Variants in CTNNA1 observed in about 807,000 individuals in gnomAD.
CTNNA1 encodes catenin alpha 1, also known as catenin alpha-1.
In CTNNA1, 37 loss-of-function variants were observed where a neutral mutation model predicts 98.4. The ratio of observed to expected loss-of-function variants is 0.38; its 90% CI spans 0.29 to 0.49. CTNNA1 has a LOEUF of 0.49. Among genes scored for constraint, CTNNA1 ranks in the 20% least tolerant of loss-of-function variants. CTNNA1 has a pLI of 0.95. For missense variants in CTNNA1, 761 were observed against 1,147.2 expected (o/e 0.66, Z 4.86); for synonymous variants, 404 against 413.2 (o/e 0.98, Z 0.27).
chr5:138,836,053 A>G (rs551591675), intron 7 of CTNNA1, among the ~76,000 whole-genome samples: 2 of 152,098 alleles, frequency 1.3e-5, no homozygotes, highest in Non-Finnish European at 2.9e-5. Flanking sequence ...GTTCCGTGCT[A>G]TTGGCCAGGC....
chr5:138,869,540 C>A (rs1018612107), intron 7 of CTNNA1: 1 of 152,210 alleles, frequency 6.6e-6, no homozygotes, highest in Middle Eastern at 3.4e-3. Flanking sequence ...TATTGATATC[C>A]ACACTTCAGA....
At position 138,809,771 on chromosome 5, in the gene CTNNA1, C is replaced by T. The variant is rs3789151; in HGVS notation, c.302-267C>T. 0.68 allele frequency among the ~76,000 whole-genome samples: 103,403 copies of T among 151,532 alleles called. 35,446 individuals are homozygous for T. Among genetic ancestry groups the T allele is most frequent in the East Asian group, 0.93 (4,834 of 5,182 alleles). ...TTTTTTTAAAGGAACATTATTAGAT[C>T]AAAGGGAAATATTTTTAAGCCTCTT... On this transcript the variant is annotated intron_variant, in intron 3 of 17. Transcript: ENST00000302763.
At position 138,892,328 on chromosome 5, in the gene CTNNA1, G is replaced by GTTTTTT. The variant is rs70982738; in HGVS notation, c.1296+4710_1296+4715dup. Among the ~76,000 whole-genome samples, 122 of 79,250 alleles carry GTTTTTT rather than the reference G, an allele frequency of 1.5e-3. 17 individuals are homozygous for GTTTTTT. The highest frequency in any genetic ancestry group is 0.014 in the East Asian group (21 of 1,554). 52.0% of individuals were successfully genotyped at this position (79,250 alleles called of 152,430 possible). A position where few individuals can be genotyped will look rare whatever the true frequency, so the allele number is the denominator to read the frequency against. On this transcript the variant is annotated intron_variant, in intron 9 of 17. Coordinates refer to ENST00000302763, the MANE Select transcript of CTNNA1 (RefSeq NM_001903.5). ...TGGAAAAAGAATATAAAATAGCTTA[G>GTTTTTT]TTTTTTTTTTTTTTTTTTTTTTTTT...
At chr5:138,806,877 G>T (rs1373796064) in intron 3 of CTNNA1, among the ~76,000 whole-genome samples, 4 of 151,998 alleles carry the variant, frequency 2.6e-5, no homozygotes, top group African/African-American at 9.7e-5. Context: ...TAGTTAGGTG[G>T]CAGGGATTTA....
chr5:138,810,093 G>A lies in CTNNA1; in HGVS notation c.357G>A (p.Val119=), dbSNP rs142395231. ...GEFADDPCSS[V]KRGNMVRAAR... ...TCGCAGATGATCCCTGCTCTTCTGT[G>A]AAGCGAGGCAACATGGTTCGGGCAG... Residue 119 remains valine, a synonymous_variant, in exon 4 of 18, where the codon GTG becomes GTA. Coordinates refer to ENST00000302763, the MANE Select transcript of CTNNA1 (RefSeq NM_001903.5). 9.2e-5 allele frequency: 149 copies of A among 1,614,056 alleles called. No individual in the cohort carries two copies. The highest frequency in any genetic ancestry group is 1.2e-4 in the Non-Finnish European group (143 of 1,180,016).
intron 7 of CTNNA1, chr5:138,870,375 T>C (rs1004007723): frequency 6.6e-6 from 1 of 152,262 alleles, no homozygotes; most frequent in African/African-American, 2.4e-5. Flanking sequence ...AAATACCTTT[T>C]TGGTACTACT....
At chr5:138,776,058 T>TA (rs1754114593) in intron 1 of CTNNA1, among the ~76,000 whole-genome samples, 1 of 147,710 alleles carries the variant, frequency 6.8e-6, no homozygotes, top group Non-Finnish European at 1.5e-5. Context: ...TTTTTTTTTT[T>TA]TTTTTATTGA....
chr5:138,842,967 T>C (rs1762395478), intron 7 of CTNNA1, among the ~76,000 whole-genome samples: 1 of 152,234 alleles, frequency 6.6e-6, no homozygotes, highest in Non-Finnish European at 1.5e-5. Context: ...AACCATTTTC[T>C]TAAAACCACT....
chr5:138,877,604 C>T (rs886957125), intron 7 of CTNNA1, among the ~76,000 whole-genome samples: 78 of 151,434 alleles, frequency 5.2e-4, no homozygotes, highest in Non-Finnish European at 7.7e-4. Flanking sequence ...CCCGCCACCA[C>T]GCCCGGCTAA....
chr5:138,830,353 T>G (rs1431150393), intron 7 of CTNNA1, among the ~76,000 whole-genome samples: 1 of 152,132 alleles, frequency 6.6e-6, no homozygotes, highest in Non-Finnish European at 1.5e-5. Flanking sequence ...CAGAGCGAGA[T>G]TCTGTCTCAA....
chr5:138,887,767 T>G, intron 9 of CTNNA1, 125 bp downstream of exon 9: 1 of 746,832 alleles, frequency 1.3e-6, no homozygotes, highest in Non-Finnish European at 2.2e-6. Flanking sequence ...TCTGAGATGA[T>G]AGTCTTTCAT....
At chr5:138,867,575 T>C (rs75830523) in intron 7 of CTNNA1, among the ~76,000 whole-genome samples, 3,475 of 152,230 alleles carry the variant, frequency 0.023, 133 homozygotes, top group African/African-American at 0.08. Context: ...GTGATACTTA[T>C]ATGTGGATTT....
intron 5 of CTNNA1, among the ~76,000 whole-genome samples, chr5:138,813,483 A>C (rs1034707537): frequency 1.3e-5 from 2 of 152,208 alleles, no homozygotes; most frequent in Non-Finnish European, 2.9e-5. Flanking sequence ...TTTCCTGAGG[A>C]CAGAAACACC....
Position 138,782,023 on chromosome 5 carries a change from T to C in CTNNA1, c.99T>C (p.Val33=). ...LAVERLLEPL[V]TQVTTLVNTN... ...TTGAGAGACTGTTGGAGCCTCTTGT[T>C]ACACAGGTAAGAATCTGAAAACACA... The change falls in exon 2 of 18, where the codon GTT becomes GTC. Residue 33 remains valine, a synonymous_variant. Transcript: ENST00000302763. 1 of 1,608,538 alleles carries C rather than the reference T, an allele frequency of 6.2e-7. No individual in the cohort carries two copies. The highest frequency in any genetic ancestry group is 8.5e-7 in the Non-Finnish European group (1 of 1,178,820).
chr5:138,913,203 CCCTT>C (rs1761028963), intron 10 of CTNNA1, among the ~76,000 whole-genome samples: 1 of 152,052 alleles, frequency 6.6e-6, no homozygotes, highest in African/African-American at 2.4e-5. Flanking sequence ...ATCTGACCCT[CCCTT>C]CATTTTGTAT....
intron 3 of CTNNA1, among the ~76,000 whole-genome samples, chr5:138,801,084 G>A (rs1272760134): frequency 6.6e-6 from 1 of 152,204 alleles, no homozygotes; most frequent in African/African-American, 2.4e-5. Flanking sequence ...CTGCTCAGGT[G>A]GAGATGATTA....
intron 7 of CTNNA1, among the ~76,000 whole-genome samples, chr5:138,855,686 T>C (rs529108650): frequency 4.0e-4 from 61 of 152,320 alleles, no homozygotes; most frequent in African/African-American, 1.4e-3. Context: ...ACTGTAAGCG[T>C]GTGTCTTTCC....
chr5:138,831,044 T>G (rs952810524), intron 7 of CTNNA1, among the ~76,000 whole-genome samples: 1 of 152,256 alleles, frequency 6.6e-6, no homozygotes, highest in Admixed American at 6.5e-5. Context: ...TAATTAATAC[T>G]TGTTTACTAC....
intron 3 of CTNNA1, among the ~76,000 whole-genome samples, chr5:138,791,347 G>A (rs948405131): frequency 1.9e-4 from 29 of 152,024 alleles, no homozygotes; most frequent in African/African-American, 6.3e-4. Flanking sequence ...GGCCGGGTGC[G>A]GTGGCTCATG....
Sources: gnomAD v4.1 joint callset for allele counts (sites outside exome capture counted in the v4.1 genomes callset) on GRCh38, gnomAD v4.1.1 for gene constraint, MANE v1.5 for transcripts, NCBI Gene and HGNC (gene_info 2026-07-23, HGNC 2026-07-21) for gene names.